Variants in SHISA9 observed in about 807,000 individuals in gnomAD.
SHISA9 encodes the protein protein shisa-9.
A neutral mutation model predicts 38.0 loss-of-function variants in SHISA9; 13 were observed. The observed-to-expected ratio is 0.34, with a 90% confidence interval of 0.22 to 0.54. The LOEUF is 0.54. Ranked by LOEUF, SHISA9 falls within the 20% of genes least tolerant of loss-of-function variation. The pLI, the probability that SHISA9 is intolerant of heterozygous loss-of-function variation, is 0.91. For missense variants in SHISA9, 538 were observed against 575.8 expected, an observed-to-expected ratio of 0.93 and a Z score of 0.67; for synonymous variants, 275 against 242.0, an observed-to-expected ratio of 1.14 and a Z score of -1.27.
chr16:13,176,646 A>G (rs910527838), intron 2 of SHISA9, among the ~76,000 whole-genome samples: 3 of 152,098 alleles, frequency 2.0e-5, no homozygotes, highest in Admixed American at 6.5e-5. Flanking sequence ...TCCTGCTTAC[A>G]TAACTAGTGA....
the SHISA9 span, among the ~76,000 whole-genome samples, chr16:13,386,543 A>G: frequency 6.6e-6 from 1 of 152,210 alleles, no homozygotes; most frequent in Non-Finnish European, 1.5e-5. Flanking sequence ...CCAAGAATCT[A>G]ATAAATTAAT....
At chr16:12,933,925 G>A (rs2071493828) in intron 2 of SHISA9, among the ~76,000 whole-genome samples, 2 of 152,124 alleles carry the variant, frequency 1.3e-5, no homozygotes, top group Non-Finnish European at 1.5e-5. Flanking sequence ...AGGAAAATGA[G>A]GAAGGTGATG....
At chr16:13,456,681 T>C in the SHISA9 span, among the ~76,000 whole-genome samples, 1 of 152,204 alleles carries the variant, frequency 6.6e-6, no homozygotes, top group African/African-American at 2.4e-5. Context: ...CTTTAGGCCA[T>C]ACGTTATCAG....
the SHISA9 span, among the ~76,000 whole-genome samples, chr16:13,532,141 G>A: frequency 6.6e-6 from 1 of 152,220 alleles, no homozygotes; most frequent in African/African-American, 2.4e-5. Flanking sequence ...ATGAAAACCA[G>A]TTGTCATTAC....
At chr16:13,449,553 G>T in the SHISA9 span, among the ~76,000 whole-genome samples, 1 of 152,148 alleles carries the variant, frequency 6.6e-6, no homozygotes, top group Non-Finnish European at 1.5e-5. Flanking sequence ...TATACAGAGA[G>T]AATCCACTGG....
chr16:13,096,438 G>A (rs1422467549), intron 2 of SHISA9, among the ~76,000 whole-genome samples: 1 of 152,202 alleles, frequency 6.6e-6, no homozygotes, highest in African/African-American at 2.4e-5. Flanking sequence ...GTTAAATGTA[G>A]GCTCTTGTGG....
chr16:13,340,381 C>A, the SHISA9 span, among the ~76,000 whole-genome samples: 2 of 152,140 alleles, frequency 1.3e-5, no homozygotes, highest in Non-Finnish European at 2.9e-5. Flanking sequence ...TGTGATGGTG[C>A]CTTGTGAATT....
chr16:13,077,600 C>T (rs1482855531), intron 2 of SHISA9, among the ~76,000 whole-genome samples: 1 of 152,146 alleles, frequency 6.6e-6, no homozygotes, highest in Non-Finnish European at 1.5e-5. Context: ...GCCTCTAGTA[C>T]ATTTTCTCTG....
At chr16:12,922,368 C>T (rs746726099) in intron 2 of SHISA9, among the ~76,000 whole-genome samples, 20 of 152,246 alleles carry the variant, frequency 1.3e-4, no homozygotes, top group Non-Finnish European at 2.8e-4. Context: ...GGGCTTTGCA[C>T]CTGTTGTGCT....
chr16:12,980,764 T>A (rs933434702), intron 2 of SHISA9, among the ~76,000 whole-genome samples: 1 of 152,134 alleles, frequency 6.6e-6, no homozygotes, highest in Admixed American at 6.5e-5. Flanking sequence ...CATGACTTCT[T>A]CCTCTGGAAG....
At chr16:12,928,933 T>A (rs1014586894) in intron 2 of SHISA9, among the ~76,000 whole-genome samples, 3 of 152,244 alleles carry the variant, frequency 2.0e-5, no homozygotes, top group Middle Eastern at 3.2e-3. Context: ...GCTAATCAGC[T>A]TAGAAGTGGC....
At chr16:12,960,139 GA>G (rs2071889803) in intron 2 of SHISA9, among the ~76,000 whole-genome samples, 1 of 152,094 alleles carries the variant, frequency 6.6e-6, no homozygotes, top group African/African-American at 2.4e-5. Context: ...ATGCAGCCTT[GA>G]ACCCTGGTTA....
At chr16:13,491,817 C>CTTTTTTTTTTT in the SHISA9 span, among the ~76,000 whole-genome samples, 3 of 46,892 alleles carry the variant, frequency 6.4e-5, 1 homozygote, top group African/African-American at 9.6e-5. Flanking sequence ...TATTTATTGA[C>CTTTTTTTTTTT]CTTTTTTTTT....
chr16:13,076,823 T>C (rs929213635), intron 2 of SHISA9, among the ~76,000 whole-genome samples: 9 of 152,200 alleles, frequency 5.9e-5, no homozygotes, highest in Non-Finnish European at 1.2e-4. Context: ...CTGTTTATAG[T>C]GTGTCTGAGA....
At chr16:12,971,133 C>T (rs1416033130) in intron 2 of SHISA9, among the ~76,000 whole-genome samples, 1 of 152,180 alleles carries the variant, frequency 6.6e-6, no homozygotes, top group Non-Finnish European at 1.5e-5. Flanking sequence ...TAGCTGTCTG[C>T]ACAGGTACTA....
rs1457923987 is a variant in SHISA9, at chr16:13,188,439, T to C, written c.692-14955T>C. On this transcript the variant is annotated intron_variant, in intron 2 of 4. Transcript: ENST00000558583. ...TGACCTCAGAAAGGTGTGGGGAGGC[T>C]GGGCACAATGGCTTATGCCTGTAAT... Among the ~76,000 whole-genome samples, 4 of 152,264 alleles carry C rather than the reference T, an allele frequency of 2.6e-5. No homozygotes were observed. In the East Asian group the frequency reaches 7.7e-4, roughly 29 times the overall value.
At chr16:13,350,084 C>T in the SHISA9 span, 2 of 152,158 alleles carry the variant, frequency 1.3e-5, no homozygotes, top group Admixed American at 6.5e-5. Context: ...ATAAGGAAGC[C>T]CTGCCCTTGA....
chr16:13,436,593 T>C, the SHISA9 span, among the ~76,000 whole-genome samples: 2 of 152,244 alleles, frequency 1.3e-5, no homozygotes, highest in African/African-American at 2.4e-5. Flanking sequence ...TTTATTCCTT[T>C]ACTTTCTTAA....
At chr16:13,400,068 A>G in the SHISA9 span, among the ~76,000 whole-genome samples, 3 of 152,332 alleles carry the variant, frequency 2.0e-5, no homozygotes, top group East Asian at 5.8e-4. Flanking sequence ...AACTGTGAGT[A>G]CTTATTACTT....
Sources: allele counts gnomAD v4.1 joint callset (sites outside exome capture counted in the v4.1 genomes callset), GRCh38; gene constraint gnomAD v4.1.1; transcripts MANE v1.5; gene names NCBI Gene and HGNC (gene_info 2026-07-23, HGNC 2026-07-21).